The following TBC1D2B variants were observed in gnomAD, a reference collection of about 807,000 sequenced individuals.
TBC1D2B encodes the protein TBC1 domain family, member 2B.
Under a neutral mutation model 100.8 loss-of-function variants are expected in TBC1D2B, and 64 were observed. That is an observed-to-expected ratio of 0.64 (90% CI 0.52 to 0.78). The LOEUF (loss-of-function observed/expected upper bound fraction) is 0.78. TBC1D2B is among the 30% of genes least tolerant of loss of function. The pLI is 0.00. For missense variants in TBC1D2B, 1,052 were observed against 1,218.4 expected (o/e 0.86, Z 2.03); for synonymous variants, 480 against 479.7 (o/e 1.00, Z -0.01).
chr15:78,044,691 T>G (rs1016038418), intron 3 of TBC1D2B, among the ~76,000 whole-genome samples: 1 of 152,316 alleles, frequency 6.6e-6, no homozygotes, highest in African/African-American at 2.4e-5. Context: ...ATTAAACCGT[T>G]TAAGTGTGAA....
At chr15:78,025,221 T>G in intron 5 of TBC1D2B, 38 bp downstream of exon 5, 1 of 1,577,012 alleles carries the variant, frequency 6.3e-7, no homozygotes, top group Non-Finnish European at 8.7e-7. Context: ...CTTGGCCTGC[T>G]GAGGTGGGGT....
At chr15:78,050,097 G>A (rs1009818227) in intron 2 of TBC1D2B, among the ~76,000 whole-genome samples, 8 of 152,320 alleles carry the variant, frequency 5.3e-5, no homozygotes, top group East Asian at 1.9e-4. Flanking sequence ...CGCGGGGCCT[G>A]CATTCCACCT....
intron 1 of TBC1D2B, among the ~76,000 whole-genome samples, chr15:78,068,068 T>G (rs2073687172): frequency 6.6e-6 from 1 of 152,226 alleles, no homozygotes; most frequent in African/African-American, 2.4e-5. Flanking sequence ...TCCTTTACTA[T>G]GGAGAAGTGC....
intron 3 of TBC1D2B, among the ~76,000 whole-genome samples, chr15:78,035,415 G>A (rs12102130): frequency 0.051 from 7,783 of 152,248 alleles, 397 homozygotes; most frequent in African/African-American, 0.12. Context: ...TCCACAAACC[G>A]CCTGCACAGC....
At chr15:78,012,646 C>T (rs569627389) in intron 9 of TBC1D2B, among the ~76,000 whole-genome samples, 177 bp downstream of exon 9, 1 of 152,328 alleles carries the variant, frequency 6.6e-6, no homozygotes, top group Admixed American at 6.5e-5. Flanking sequence ...TGCTTTTTCT[C>T]TCAGTTCTTC....
At chr15:78,046,444 C>T (rs895867672) in intron 2 of TBC1D2B, among the ~76,000 whole-genome samples, 4 of 152,158 alleles carry the variant, frequency 2.6e-5, no homozygotes, top group African/African-American at 9.7e-5. Context: ...TCAACCATCT[C>T]TTTCTGTGAA....
chr15:78,031,986 A>G (rs2072827078), intron 3 of TBC1D2B, among the ~76,000 whole-genome samples: 1 of 152,196 alleles, frequency 6.6e-6, no homozygotes, highest in Non-Finnish European at 1.5e-5. Flanking sequence ...AGATGAGAAG[A>G]TAGAGTGGAG....
chr15:78,058,403 A>G (rs560192583), intron 1 of TBC1D2B, among the ~76,000 whole-genome samples: 21 of 152,286 alleles, frequency 1.4e-4, no homozygotes, highest in African/African-American at 4.8e-4. Flanking sequence ...AGGCGCCTCC[A>G]TATCTCCAAC....
chr15:78,073,611 T>TA (rs1323341676), intron 1 of TBC1D2B, among the ~76,000 whole-genome samples: 6 of 152,146 alleles, frequency 3.9e-5, no homozygotes, highest in African/African-American at 1.4e-4. Context: ...TTTCCATACT[T>TA]ACACCATAAA....
chr15:78,001,829 G>C (rs900734478), intron 11 of TBC1D2B, 89 bp from the exon 12 acceptor site: 1 of 1,429,310 alleles, frequency 7.0e-7, no homozygotes, highest in African/African-American at 1.4e-5. Flanking sequence ...GGCCCTACTG[G>C]GGACAGGGGG....
intron 11 of TBC1D2B, 31 bp from the exon 12 acceptor site, chr15:78,001,771 GA>G: frequency 6.3e-7 from 1 of 1,582,134 alleles, no homozygotes; most frequent in Non-Finnish European, 8.6e-7. Context: ...TCTGTTAGTG[GA>G]AAAACCCTGT....
chr15:78,001,843 T>C, intron 11 of TBC1D2B, 103 bp from the exon 12 acceptor site: 6 of 1,339,138 alleles, frequency 4.5e-6, no homozygotes, highest in Admixed American at 2.6e-5. Flanking sequence ...CAGGGGGACA[T>C]GGCTTGCACG....
intron 3 of TBC1D2B, among the ~76,000 whole-genome samples, chr15:78,040,900 A>G (rs1404425862): frequency 1.4e-5 from 2 of 147,246 alleles, no homozygotes; most frequent in African/African-American, 5.0e-5. Context: ...GAGAGAAAGA[A>G]AGAAAGAAAG....
intron 3 of TBC1D2B, among the ~76,000 whole-genome samples, chr15:78,037,449 G>A (rs532921439): frequency 6.6e-6 from 1 of 152,152 alleles, no homozygotes; most frequent in Non-Finnish European, 1.5e-5. Flanking sequence ...GTGTGCCCAG[G>A]TAGGCCGTGA....
At chr15:78,071,933 G>A (rs901559824) in intron 1 of TBC1D2B, among the ~76,000 whole-genome samples, 3 of 152,198 alleles carry the variant, frequency 2.0e-5, no homozygotes, top group African/African-American at 7.2e-5. Context: ...CCTGGCGGGG[G>A]CCCTCTTCCT....
chr15:78,002,944 C>T (rs1016261478), intron 11 of TBC1D2B: 6 of 190,822 alleles, frequency 3.1e-5, no homozygotes, highest in African/African-American at 1.4e-4. Flanking sequence ...AAGTTAGTCC[C>T]CCTCATTAGC....
chr15:78,055,809 C>A (rs957661947), intron 1 of TBC1D2B, among the ~76,000 whole-genome samples: 5 of 152,222 alleles, frequency 3.3e-5, no homozygotes, highest in African/African-American at 1.2e-4. Context: ...ATCAGGTACC[C>A]AGACCTGGGG....
intron 10 of TBC1D2B, 86 bp downstream of exon 10, chr15:78,008,911 C>A: frequency 1.1e-6 from 1 of 944,746 alleles, no homozygotes; most frequent in Non-Finnish European, 1.6e-6. Context: ...AAAGCAACCC[C>A]TCACCCTGAC....
chr15:78,068,183 C>T (rs867097859), intron 1 of TBC1D2B, among the ~76,000 whole-genome samples: 1 of 152,148 alleles, frequency 6.6e-6, no homozygotes. Flanking sequence ...AAAACTCTTA[C>T]AATTCTTTGA....
Sources: gnomAD v4.1 joint callset for allele counts (sites outside exome capture counted in the v4.1 genomes callset) on GRCh38, gnomAD v4.1.1 for gene constraint, MANE v1.5 for transcripts, NCBI Gene and HGNC (gene_info 2026-07-23, HGNC 2026-07-21) for gene names.